The following DLG5 variants were observed in gnomAD, a reference collection of about 807,000 sequenced individuals.
DLG5 encodes the protein discs large MAGUK scaffold protein 5.
DLG5 carries 48 observed loss-of-function variants against 189.8 expected under a neutral mutation model. The ratio of observed to expected loss-of-function variants is 0.25; its 90% CI spans 0.20 to 0.32. The LOEUF (loss-of-function observed/expected upper bound fraction) is 0.32, where lower values mean the gene tolerates loss of function less well. DLG5 is among the 10% of genes least tolerant of loss of function. The pLI, the probability that DLG5 is intolerant of heterozygous loss-of-function variation, is 1.00. For missense variants in DLG5, 2,160 were observed against 2,544.7 expected, an observed-to-expected ratio of 0.85 and a Z score of 3.25; for synonymous variants, 1,016 against 1,054.1, an observed-to-expected ratio of 0.96 and a Z score of 0.70.
chr10:77,888,784 C>A (rs1845520971), intron 1 of DLG5, among the ~76,000 whole-genome samples: 1 of 152,168 alleles, frequency 6.6e-6, no homozygotes, highest in South Asian at 2.1e-4. Flanking sequence ...TGCATTAAAC[C>A]AAGTCAACTA....
chr10:77,921,329 G>A (rs1005768306), intron 1 of DLG5, among the ~76,000 whole-genome samples: 2 of 152,224 alleles, frequency 1.3e-5, no homozygotes, highest in Non-Finnish European at 2.9e-5. Context: ...AGGAAGTGGA[G>A]AGAGAACAAA....
chr10:77,816,945 C>T (rs985739242), intron 19 of DLG5, 62 bp downstream of exon 19: 5 of 1,561,602 alleles, frequency 3.2e-6, no homozygotes, highest in Non-Finnish European at 4.4e-6. Flanking sequence ...CCCAGAGACT[C>T]CACCATGAGG....
chr10:77,834,025 T>C lies in DLG5; in HGVS notation c.1637A>G (p.Asn546Ser). ...CGCACGGTCCCGCTCCCGCCTCAGG[T>C]TGTCACACAGTGTCCTGGTGGAAGG... ...ERDSIRTLCD[N>S]LRRERDRAVS... is the part of the protein sequence containing the mutation. Residue 546 changes from asparagine (N) to serine (S), a missense_variant, in exon 9 of 32, where the codon AAC becomes AGC. Asn to Ser is a conservative substitution (Grantham distance 46). Transcript: ENST00000372391. 6.2e-7 allele frequency: 1 copy of C among 1,609,610 alleles called. No homozygotes were observed. The highest frequency in any genetic ancestry group is 8.5e-7 in the Non-Finnish European group (1 of 1,179,764).
intron 23 of DLG5, 137 bp from the exon 24 acceptor site, chr10:77,809,867 T>C (rs1224847580): frequency 2.6e-5 from 27 of 1,030,046 alleles, no homozygotes; most frequent in South Asian, 4.9e-5. Flanking sequence ...AGGTGGCCTC[T>C]AGTTCTACTG....
At chr10:77,936,927 G>T in the DLG5 span, among the ~76,000 whole-genome samples, 1 of 151,712 alleles carries the variant, frequency 6.6e-6, no homozygotes, top group Non-Finnish European at 1.5e-5. Context: ...ACATCATCCT[G>T]GTTACTTCTC....
chr10:77,828,638 G>A (rs183645120), intron 13 of DLG5, among the ~76,000 whole-genome samples: 1 of 152,154 alleles, frequency 6.6e-6, no homozygotes, highest in Admixed American at 6.6e-5. Context: ...GAGAGATAGA[G>A]AAAGGTTATC....
intron 2 of DLG5, among the ~76,000 whole-genome samples, chr10:77,858,586 C>G (rs1265807413): frequency 6.6e-6 from 1 of 151,168 alleles, no homozygotes; most frequent in South Asian, 2.1e-4. Context: ...TGCAGTGAGC[C>G]GAGATCACAC....
intron 5 of DLG5, among the ~76,000 whole-genome samples, chr10:77,846,005 G>A (rs1187877641): frequency 1.3e-5 from 2 of 151,380 alleles, no homozygotes; most frequent in Non-Finnish European, 2.9e-5. Flanking sequence ...AGCACTTTGG[G>A]AAGCCGAGGT....
chr10:77,816,918 T>C, intron 19 of DLG5, 89 bp downstream of exon 19: 2 of 1,480,802 alleles, frequency 1.4e-6, no homozygotes, highest in Non-Finnish European at 1.9e-6. Flanking sequence ...GAGATGACTA[T>C]GAAGTTCTCA....
chr10:77,883,578 GA>G (rs1320951491), intron 1 of DLG5, among the ~76,000 whole-genome samples: 1 of 149,306 alleles, frequency 6.7e-6, no homozygotes, highest in Non-Finnish European at 1.5e-5. Context: ...CCCTGGGTTA[GA>G]AAAAAACATA....
At chr10:77,933,312 G>C in the DLG5 span, among the ~76,000 whole-genome samples, 1 of 151,694 alleles carries the variant, frequency 6.6e-6, no homozygotes. Context: ...TTGAGATAGA[G>C]TCTCGCTCTT....
rs12243930 is a variant in DLG5, at chr10:77,856,762, G to C, written c.504C>G (p.Ala168=). 0.024 allele frequency: 39,261 copies of C among 1,613,494 alleles called. 8,018 individuals carry two copies. In the African/African-American group the frequency reaches 0.45, roughly 19 times the overall value. The change falls in exon 3 of 32, where the codon GCC becomes GCG. Residue 168 remains alanine, a synonymous_variant. Transcript: ENST00000372391. Reference sequence around the variant, plus strand: ...CAAAGGCCGTGCCATGCGTAGCAAAGGCCAGGCGCTTGCGGAGCTCGTTTC... The same window carrying C: ...CAAAGGCCGTGCCATGCGTAGCAAACGCCAGGCGCTTGCGGAGCTCGTTTC... The part of the protein sequence containing the change: ...RERNELRKRL[A]FATHGTAFDK...
chr10:77,918,142 G>A (rs1482080829), intron 1 of DLG5, among the ~76,000 whole-genome samples: 1 of 152,070 alleles, frequency 6.6e-6, no homozygotes, highest in Non-Finnish European at 1.5e-5. Context: ...CGGGTGCGGT[G>A]GCTCACGCCT....
intron 10 of DLG5, 95 bp from the exon 11 acceptor site, chr10:77,830,439 A>G (rs2154575932): frequency 1.9e-6 from 3 of 1,554,722 alleles, no homozygotes; most frequent in East Asian, 2.2e-5. Flanking sequence ...AATGTGGGGG[A>G]CTGTCCCTTC....
At chr10:77,870,160 A>C (rs1175761993) in intron 1 of DLG5, among the ~76,000 whole-genome samples, 2 of 152,216 alleles carry the variant, frequency 1.3e-5, no homozygotes, top group African/African-American at 4.8e-5. Context: ...ACAAAGCATA[A>C]CACACAGAGA....
chr10:77,914,540 C>T (rs1360623211), intron 1 of DLG5, among the ~76,000 whole-genome samples: 2 of 152,164 alleles, frequency 1.3e-5, no homozygotes, highest in Non-Finnish European at 2.9e-5. Context: ...AAGATTTAAG[C>T]CCCAGTCTGT....
Position 77,833,905 on chromosome 10 carries a change from C to T in DLG5, c.1748+9G>A. ...ATGCCCACTCCAGCGGGTGCCCACCCGAGCCTACTTGAGCTCCTTCAGCTC... is the reference window on the plus strand; with the variant it reads ...ATGCCCACTCCAGCGGGTGCCCACCTGAGCCTACTTGAGCTCCTTCAGCTC... On this transcript the variant is annotated intron_variant, in intron 9 of 31. Transcript: ENST00000372391. 4 of 1,605,484 alleles carry T rather than the reference C, an allele frequency of 2.5e-6. No individual in the cohort carries two copies. Among genetic ancestry groups the T allele is most frequent in the Non-Finnish European group, 3.4e-6 (4 of 1,179,622 alleles).
chr10:77,926,827 C>A (rs1435494802), upstream of DLG5: 8 of 178,874 alleles, frequency 4.5e-5, no homozygotes, highest in South Asian at 4.6e-4. This position sits in a 1 kb window ranked among gnomAD's most constrained non-coding sequence, Gnocchi z 5.2. Context: ...GGGCGCGCCC[C>A]GAGGCCGGGC....
chr10:77,927,315 A>AC (rs374611647), upstream of DLG5: 48 of 152,522 alleles, frequency 3.1e-4, 1 homozygote, highest in African/African-American at 1.2e-3. Context: ...GCTGCTGGAG[A>AC]CCCCCTCATA....
Sources: gnomAD v4.1 joint callset for allele counts (sites outside exome capture counted in the v4.1 genomes callset) on GRCh38, gnomAD v4.1.1 for gene constraint, Gnocchi (gnomAD v3.1) non-coding constraint, MANE v1.5 for transcripts, NCBI Gene and HGNC (gene_info 2026-07-23, HGNC 2026-07-21) for gene names.